Variants in EFTUD2 observed in about 807,000 individuals in gnomAD.
EFTUD2 encodes elongation factor Tu GTP binding domain containing 2, also known as 116 kDa U5 small nuclear ribonucleoprotein component.
Under a neutral mutation model 114.3 loss-of-function variants are expected in EFTUD2, and 9 were observed. That is an observed-to-expected ratio of 0.08 (90% confidence interval 0.05 to 0.14). EFTUD2 has a LOEUF of 0.14. EFTUD2 is among the 10% of genes least tolerant of loss of function. The pLI, the probability that EFTUD2 is intolerant of heterozygous loss-of-function variation, is 1.00. For synonymous variants in EFTUD2, 449 were observed against 462.3 expected, an observed-to-expected ratio of 0.97 and a Z score of 0.37; for missense variants, 765 against 1,241.2, an observed-to-expected ratio of 0.62 and a Z score of 5.76.
At chr17:44,855,433 C>T (rs1385479261) in intron 20 of EFTUD2, among the ~76,000 whole-genome samples, 5 of 151,948 alleles carry the variant, frequency 3.3e-5, no homozygotes, top group African/African-American at 7.3e-5. Flanking sequence ...TGGTGGCGTG[C>T]GCTGGCACAT....
chr17:44,895,271 A>G (rs2051358614), intron 1 of EFTUD2, among the ~76,000 whole-genome samples: 2 of 152,248 alleles, frequency 1.3e-5, no homozygotes, highest in African/African-American at 4.8e-5. Context: ...CAAGGCAGGC[A>G]GATGACCTGA....
At position 44,862,784 on chromosome 17, in the gene EFTUD2, C is replaced by G; in HGVS notation, c.1536G>C (p.Glu512Asp). ...CTTCCTCATCCTCCAGGGTGTAGTT[C>G]TCCCCCAGTACCTTCACAGGCTGCC... The part of the protein sequence containing the change: ...HAGQPVKVLG[E>D]NYTLEDEEDS... The change falls in exon 16 of 28, where the codon GAG becomes GAC. Residue 512 changes from glutamate to aspartate, a missense_variant. By Grantham distance (45) the Glu-to-Asp change is conservative. Around this residue, in one of 6 missense-constraint regions of EFTUD2, gnomAD observed 149 missense variants for 245.1 expected, o/e 0.61. Transcript: ENST00000426333. 4 of 1,614,136 alleles carry G rather than the reference C, an allele frequency of 2.5e-6. No individual in the cohort carries two copies. The highest frequency in any genetic ancestry group is 3.4e-6 in the Non-Finnish European group (4 of 1,180,022).
intron 3 of EFTUD2, among the ~76,000 whole-genome samples, chr17:44,886,164 G>A (rs926354638): frequency 6.6e-6 from 1 of 152,122 alleles, no homozygotes; most frequent in Non-Finnish European, 1.5e-5. Context: ...AATCAGGGAG[G>A]CGGAGGTTGC....
chr17:44,849,966 T>C lies in EFTUD2; in HGVS notation c.*1308A>G, dbSNP rs2050409032. The stretch of plus-strand genomic sequence containing the variant: ...ACAGATGTTGAATTTCTCTTCCTCT[T>C]GAGATTAAAAAGCAGACAGCCACTT... On this transcript the variant is annotated 3_prime_UTR_variant, in exon 28 of 28. Coordinates refer to ENST00000426333, the MANE Select transcript of EFTUD2 (RefSeq NM_004247.4). 1 of 216,986 alleles carries C rather than the reference T, an allele frequency of 4.6e-6. No homozygotes were observed. The highest frequency in any genetic ancestry group is 9.4e-6 in the Non-Finnish European group (1 of 105,928). The allele number at this position is 216,986 out of a possible 1,614,324, so 13.4% of individuals were successfully genotyped here. A position where few individuals can be genotyped will look rare whatever the true frequency, so the allele number is the denominator to read the frequency against.
chr17:44,890,000 A>G (rs2051249475), intron 2 of EFTUD2, among the ~76,000 whole-genome samples: 1 of 152,026 alleles, frequency 6.6e-6, no homozygotes, highest in Non-Finnish European at 1.5e-5. Flanking sequence ...TGCTTTTTCT[A>G]ATTTTTAATT....
At chr17:44,856,949 A>C in intron 20 of EFTUD2, 126 bp downstream of exon 20, 1 of 708,380 alleles carries the variant, frequency 1.4e-6, no homozygotes. Flanking sequence ...TATTGTAAGC[A>C]CCCCCTATTC....
At position 44,854,890 on chromosome 17, in the gene EFTUD2, G is replaced by A. The variant is rs755370465; in HGVS notation, c.2132+28C>T. Reference sequence around the variant, plus strand: ...AACTGTGGCATCCCTGCCTCCTTTCGACCCTGGCGTCAGAGCCCTGTTCTC... The same window carrying A: ...AACTGTGGCATCCCTGCCTCCTTTCAACCCTGGCGTCAGAGCCCTGTTCTC... On this transcript the variant is annotated intron_variant, in intron 21 of 27. Transcript: ENST00000426333. The surrounding 1 kb of genome is among the most constrained non-coding windows in gnomAD (Gnocchi z 4.3). 3.1e-6 allele frequency: 5 copies of A among 1,609,648 alleles called. No homozygotes were observed. The highest frequency in any genetic ancestry group is 1.1e-5 in the South Asian group (1 of 90,962).
chr17:44,859,760 G>T, intron 18 of EFTUD2, 145 bp downstream of exon 18: 1 of 1,324,714 alleles, frequency 7.5e-7, no homozygotes, highest in Non-Finnish European at 1.0e-6. Flanking sequence ...GCCTTGACAT[G>T]ACAGCCATAG....
At chr17:44,882,980 C>A in intron 6 of EFTUD2, 113 bp downstream of exon 6, 1 of 949,940 alleles carries the variant, frequency 1.1e-6, no homozygotes, top group Admixed American at 2.8e-5. Context: ...TAAAGCTGCA[C>A]TTTGGAGGCG....
At chr17:44,898,081 G>A (rs1331791156) in intron 1 of EFTUD2, among the ~76,000 whole-genome samples, 2 of 152,092 alleles carry the variant, frequency 1.3e-5, no homozygotes, top group African/African-American at 4.8e-5. Flanking sequence ...GAGCTCCAAG[G>A]ACCAATAATT....
chr17:44,894,514 G>C lies in EFTUD2; in HGVS notation c.8C>G (p.Thr3Ser). The part of the protein sequence containing the change: MD[T>S]DLYDEFGNYI... ...ATTCCCAAACTCATCATATAAGTCG[G>C]TATCCATGATGCTAAAATTCAAGGA... The change falls in exon 2 of 28, where the codon ACC becomes AGC. Residue 3 changes from threonine to serine, a missense_variant. Around this residue, in one of 6 missense-constraint regions of EFTUD2, gnomAD observed 121 missense variants for 133.7 expected, o/e 0.90. Coordinates refer to ENST00000426333, the MANE Select transcript of EFTUD2 (RefSeq NM_004247.4). The C allele has an allele frequency of 6.2e-7, 1 of 1,612,786 alleles. No individual in the cohort carries two copies. The highest frequency in any genetic ancestry group is 8.5e-7 in the Non-Finnish European group (1 of 1,178,936).
At chr17:44,863,108 C>CT (rs35450462) in intron 15 of EFTUD2, 22,852 of 263,732 alleles carry the variant, frequency 0.087, no homozygotes, top group East Asian at 0.12. Context: ...ATATTCTCCT[C>CT]TTTTTTTTTT....
chr17:44,856,990 C>T (rs2050568785), intron 20 of EFTUD2, 85 bp downstream of exon 20: 1 of 1,153,282 alleles, frequency 8.7e-7, no homozygotes, highest in Non-Finnish European at 1.3e-6. Flanking sequence ...GTGCATAGTG[C>T]TCATGGTGGG....
chr17:44,879,714 G>A (rs889072235), intron 8 of EFTUD2, 76 bp from the exon 9 acceptor site: 3 of 1,465,524 alleles, frequency 2.0e-6, no homozygotes, highest in Non-Finnish European at 2.8e-6. Flanking sequence ...GAACTGAGGG[G>A]GCACTTCAAA....
intron 1 of EFTUD2, among the ~76,000 whole-genome samples, chr17:44,897,173 G>T (rs1049666072): frequency 7.4e-6 from 1 of 135,312 alleles, no homozygotes; most frequent in Non-Finnish European, 1.5e-5. Flanking sequence ...CGGAGACAGC[G>T]CCACTGCACT....
chr17:44,886,750 T>A lies in EFTUD2; in HGVS notation c.106A>T (p.Met36Leu), dbSNP rs372603308. Residue 36 changes from methionine (M) to leucine (L), a missense_variant and splice_region_variant, in exon 3 of 28, where the codon ATG (methionine) becomes TTG (leucine). Physicochemically the swap from Met to Leu is conservative, Grantham distance 15. This residue lies in a region of EFTUD2 where 121 missense variants were observed against 133.7 expected (regional missense o/e 0.90). Transcript: ENST00000426333. ...TCATCGTCGTCGTCATCATCATCCA[T>A]CTGAAAGCAAGAGGGAGAGGGAGAA... ...LGRETKDLDEMDDDDDDDDVG... is the reference protein window; with the variant it reads ...LGRETKDLDELDDDDDDDDVG... 4 of 1,612,750 alleles carry A rather than the reference T, an allele frequency of 2.5e-6. No homozygotes were observed. In the African/African-American group the frequency reaches 5.3e-5, roughly 22 times the overall value.
Position 44,854,379 on chromosome 17 carries a change from C to T in EFTUD2, c.2260-23G>A. On this transcript the variant is annotated intron_variant, in intron 22 of 27. Transcript: ENST00000426333. This position sits in a 1 kb window ranked among gnomAD's most constrained non-coding sequence, Gnocchi z 4.3. ...CACCTATAGAGAAACATGAGGCCTC[C>T]TTAGCAGTCGCCCTGGCAACGGCTG... 1 of 1,609,372 alleles carries T rather than the reference C, an allele frequency of 6.2e-7. No homozygotes were observed. The highest frequency in any genetic ancestry group is 1.1e-5 in the South Asian group (1 of 90,528).
At chr17:44,853,187 A>T in intron 25 of EFTUD2, 109 bp downstream of exon 25, 1 of 1,142,668 alleles carries the variant, frequency 8.8e-7, no homozygotes, top group South Asian at 1.5e-5. Flanking sequence ...CGGGGTTTCC[A>T]GAGAGAGGAG....
intron 8 of EFTUD2, 46 bp from the exon 9 acceptor site, chr17:44,879,684 G>A (rs900079403): frequency 2.5e-6 from 4 of 1,592,452 alleles, no homozygotes; most frequent in Admixed American, 1.7e-5. Flanking sequence ...GCAGGATAAA[G>A]CACAATTAAC....
Sources: gnomAD v4.1 joint callset for allele counts (sites outside exome capture counted in the v4.1 genomes callset) on GRCh38, gnomAD v4.1.1 for gene constraint, gnomAD v4.1.1 regional missense constraint, Gnocchi (gnomAD v3.1) non-coding constraint, MANE v1.5 for transcripts, NCBI Gene and HGNC (gene_info 2026-07-23, HGNC 2026-07-21) for gene names.